Variants in DLGAP1 observed in about 807,000 individuals in gnomAD.
DLGAP1 encodes the protein DLG associated protein 1, also known as disks large-associated protein 1.
DLGAP1 carries 11 observed loss-of-function variants against 90.8 expected under a neutral mutation model. The observed-to-expected ratio is 0.12, with a 90% CI of 0.08 to 0.20. The LOEUF (loss-of-function observed/expected upper bound fraction) is 0.20, where lower values mean the gene tolerates loss of function less well. DLGAP1 is among the 10% of genes least tolerant of loss of function. DLGAP1 has a pLI of 1.00. For synonymous variants in DLGAP1, 558 were observed against 540.7 expected (o/e 1.03, Z -0.44); for missense variants, 1,050 against 1,333.8 (o/e 0.79, Z 3.31).
chr18:4,314,781 T>TACTCACC (rs2080485200), intron 1 of DLGAP1, among the ~76,000 whole-genome samples: 1 of 152,176 alleles, frequency 6.6e-6, no homozygotes, highest in African/African-American at 2.4e-5. Flanking sequence ...CATAGGATGG[T>TACTCACC]ACGTTAGGGC....
intron 10 of DLGAP1, 137 bp downstream of exon 10, chr18:3,534,057 C>T (rs2052178500): frequency 1.0e-6 from 1 of 953,812 alleles, no homozygotes; most frequent in Non-Finnish European, 1.5e-6. Context: ...ACCTAGCTCT[C>T]CTGCATGTTC....
intron 7 of DLGAP1, among the ~76,000 whole-genome samples, chr18:3,622,487 C>A (rs190670875): frequency 2.0e-5 from 3 of 152,274 alleles, no homozygotes; most frequent in African/African-American, 7.2e-5. Flanking sequence ...TTGGCTCTGT[C>A]CCCTGGGGAA....
At chr18:4,409,924 G>A (rs1227495789) in intron 1 of DLGAP1, among the ~76,000 whole-genome samples, 4 of 152,102 alleles carry the variant, frequency 2.6e-5, no homozygotes, top group East Asian at 3.9e-4. Context: ...GTCAGTCAAC[G>A]AGTGGATAAA....
At chr18:3,859,637 G>A (rs2069899835) in intron 4 of DLGAP1, among the ~76,000 whole-genome samples, 1 of 152,136 alleles carries the variant, frequency 6.6e-6, no homozygotes, top group Non-Finnish European at 1.5e-5. Context: ...TGGAGATGAA[G>A]GAAGAGGCCA....
chr18:3,533,912 G>A lies in DLGAP1; in HGVS notation c.2479+282C>T, dbSNP rs1158474494. 7.9e-5 allele frequency among the ~76,000 whole-genome samples: 12 copies of A among 152,230 alleles called. No homozygotes were observed. The South Asian group carries it at 1.2e-3, about 16-fold the overall frequency. ...GAGGGACCAAGTTAGAGACATGAAA[G>A]CACCTCCACACAGAGCTTGGTATTT... On this transcript the variant is annotated intron_variant, in intron 10 of 12. Transcript: ENST00000315677.
intron 1 of DLGAP1, among the ~76,000 whole-genome samples, chr18:4,299,085 CA>C (rs35327176): frequency 0.38 from 28,755 of 76,368 alleles, 3,318 homozygotes; most frequent in Middle Eastern, 0.43. Flanking sequence ...TGTCTCAAGA[CA>C]AAAAAAAAAA....
At chr18:3,631,648 G>A (rs113784340) in intron 7 of DLGAP1, among the ~76,000 whole-genome samples, 2,730 of 152,132 alleles carry the variant, frequency 0.018, 30 homozygotes, top group Non-Finnish European at 0.028. Context: ...TCGAGAGGCT[G>A]AGGCAGGAGA....
chr18:3,800,349 C>A (rs1250241373), intron 5 of DLGAP1, among the ~76,000 whole-genome samples: 2 of 152,246 alleles, frequency 1.3e-5, no homozygotes, highest in East Asian at 3.9e-4. Context: ...TATAACTAGG[C>A]CTTTTTGTCT....
intron 7 of DLGAP1, among the ~76,000 whole-genome samples, chr18:3,719,287 C>T (rs1197019569): frequency 1.3e-5 from 2 of 151,920 alleles, no homozygotes; most frequent in Non-Finnish European, 1.5e-5. Flanking sequence ...GACTATTTGG[C>T]CAGGTGCGGT....
At chr18:3,867,837 C>T (rs1210187340) in intron 4 of DLGAP1, among the ~76,000 whole-genome samples, 1 of 152,094 alleles carries the variant, frequency 6.6e-6, no homozygotes, top group African/African-American at 2.4e-5. Flanking sequence ...TTTAAAGAAG[C>T]ATGAAAGTTC....
chr18:4,230,831 C>G (rs115153738), intron 1 of DLGAP1, among the ~76,000 whole-genome samples: 2 of 151,054 alleles, frequency 1.3e-5, no homozygotes, highest in East Asian at 1.9e-4. Context: ...CCCACTTACC[C>G]TGATGTGATT....
intron 1 of DLGAP1, among the ~76,000 whole-genome samples, chr18:4,256,007 A>C (rs1361464293): frequency 6.6e-6 from 1 of 152,178 alleles, no homozygotes; most frequent in African/African-American, 2.4e-5. Context: ...GAAGGGAAGC[A>C]CAGAGGGCTC....
chr18:3,530,528 A>G (rs1323572432), intron 10 of DLGAP1, among the ~76,000 whole-genome samples: 2 of 152,216 alleles, frequency 1.3e-5, no homozygotes, highest in African/African-American at 4.8e-5. Context: ...AGTTTGTGCC[A>G]TTGAGCAGTG....
intron 6 of DLGAP1, among the ~76,000 whole-genome samples, chr18:3,740,387 C>T (rs776510589): frequency 3.8e-4 from 58 of 152,204 alleles, no homozygotes; most frequent in African/African-American, 1.1e-3. Flanking sequence ...GTAACCAGCA[C>T]GAATAGGTTT....
intron 9 of DLGAP1, among the ~76,000 whole-genome samples, chr18:3,537,063 A>G (rs762163162): frequency 6.6e-6 from 1 of 152,116 alleles, no homozygotes; most frequent in Non-Finnish European, 1.5e-5. Context: ...TCCTGGCCTA[A>G]TAGTTTACTT....
At chr18:4,276,472 C>T (rs538354764) in intron 1 of DLGAP1, among the ~76,000 whole-genome samples, 127 of 151,834 alleles carry the variant, frequency 8.4e-4, no homozygotes, top group African/African-American at 3.0e-3. Flanking sequence ...CCTGTCTCTA[C>T]TAAAAATACG....
intron 1 of DLGAP1, among the ~76,000 whole-genome samples, chr18:4,287,405 C>A (rs1286890525): frequency 1.3e-5 from 2 of 152,168 alleles, no homozygotes; most frequent in Admixed American, 1.3e-4. Flanking sequence ...CACATTCACA[C>A]ATATGTTTAT....
chr18:4,298,479 T>C (rs1568498164), intron 1 of DLGAP1, among the ~76,000 whole-genome samples: 1 of 152,206 alleles, frequency 6.6e-6, no homozygotes, highest in Non-Finnish European at 1.5e-5. Context: ...TGTAGGGACA[T>C]GGATGAAATT....
intron 1 of DLGAP1, among the ~76,000 whole-genome samples, chr18:4,340,049 A>G (rs1460575880): frequency 6.6e-6 from 1 of 152,212 alleles, no homozygotes; most frequent in Non-Finnish European, 1.5e-5. Flanking sequence ...GAAACCACAT[A>G]TAGTACTAAA....
Sources: gnomAD v4.1 joint callset for allele counts (sites outside exome capture counted in the v4.1 genomes callset) on GRCh38, gnomAD v4.1.1 for gene constraint, MANE v1.5 for transcripts, NCBI Gene and HGNC (gene_info 2026-07-23, HGNC 2026-07-21) for gene names.